The following RBBP4 variants were observed in gnomAD, a reference collection of about 807,000 sequenced individuals.
RBBP4 encodes the protein histone-binding protein RBBP4.
A neutral mutation model predicts 57.2 loss-of-function variants in RBBP4; 3 were observed. The observed-to-expected ratio is 0.05, with a 90% confidence interval of 0.02 to 0.14. The LOEUF (loss-of-function observed/expected upper bound fraction) is 0.14, where lower values mean the gene tolerates loss of function less well. Among genes scored for constraint, RBBP4 ranks in the 10% least tolerant of loss-of-function variants. The probability of loss-of-function intolerance (pLI) is 1.00; values close to 1 mark genes in which losing one functional copy is unlikely to be tolerated. For missense variants in RBBP4, 107 were observed against 520.6 expected, an observed-to-expected ratio of 0.21 and a Z score of 7.73; for synonymous variants, 151 against 171.5, an observed-to-expected ratio of 0.88 and a Z score of 0.93.
intron 8 of RBBP4, among the ~76,000 whole-genome samples, chr1:32,671,289 A>C (rs1648864396): frequency 6.6e-6 from 1 of 152,198 alleles, no homozygotes; most frequent in Non-Finnish European, 1.5e-5. Context: ...GCAAATAAGA[A>C]TAGACAAGAT....
intron 3 of RBBP4, among the ~76,000 whole-genome samples, chr1:32,659,897 T>C (rs1414843616): frequency 6.6e-6 from 1 of 152,212 alleles, no homozygotes; most frequent in Non-Finnish European, 1.5e-5. Context: ...GCTATAGAAA[T>C]ACTTTCTAAG....
chr1:32,659,034 A>G (rs1260728132), intron 3 of RBBP4, among the ~76,000 whole-genome samples: 1 of 147,380 alleles, frequency 6.8e-6, no homozygotes, highest in Non-Finnish European at 1.5e-5. Flanking sequence ...GATAATATAA[A>G]TGTATTATAT....
rs112155475 is a variant in RBBP4 at position 32,684,196 on chromosome 1, A to G, written c.*4491A>G. On this transcript the variant is annotated 3_prime_UTR_variant, in exon 12 of 12. Transcript: ENST00000373493. Reference sequence around the variant, plus strand: ...TTGATTCTAAGGTAAAATTTTCCCTAAGCCCTCCCACCATCCCCTCAGCCA... The same window carrying G: ...TTGATTCTAAGGTAAAATTTTCCCTGAGCCCTCCCACCATCCCCTCAGCCA... 1.1e-5 allele frequency: 17 copies of G among 1,607,458 alleles called. No homozygotes were observed. The highest frequency in any genetic ancestry group is 9.4e-5 in the African/African-American group (7 of 74,750).
At chr1:32,676,860 G>A (rs1373296670) in intron 11 of RBBP4, among the ~76,000 whole-genome samples, 8 of 151,802 alleles carry the variant, frequency 5.3e-5, no homozygotes, top group South Asian at 2.1e-4. Context: ...GGAGGCTAGC[G>A]TGATCCCAGG....
intron 3 of RBBP4, among the ~76,000 whole-genome samples, chr1:32,664,307 G>A (rs569185890): frequency 6.6e-6 from 1 of 152,168 alleles, no homozygotes; most frequent in South Asian, 2.1e-4. Context: ...TTATGGTTTA[G>A]GAGGCCTACG....
chr1:32,661,300 TCC>T lies in RBBP4; in HGVS notation c.310+3729_310+3730del, dbSNP rs1491205549. 3.1e-4 allele frequency among the ~76,000 whole-genome samples: 17 copies of T among 55,064 alleles called. 2 individuals carry two copies. The highest frequency in any genetic ancestry group is 6.9e-4 in the Non-Finnish European group (13 of 18,732). The allele number at this position is 55,064 out of a possible 152,430, so 36.1% of individuals were successfully genotyped here. A position where few individuals can be genotyped will look rare whatever the true frequency, so the allele number is the denominator to read the frequency against. On this transcript the variant is annotated intron_variant, in intron 3 of 11. Transcript: ENST00000373493. ...GTTGAATGGTAGTTCTATTTTTAGTTCCTTTTTTTTTTTTTTTGAGATGGAGT... is the reference window on the plus strand; with the variant it reads ...GTTGAATGGTAGTTCTATTTTTAGTTTTTTTTTTTTTTTTTGAGATGGAGT...
chr1:32,677,077 C>T (rs1298860496), intron 11 of RBBP4, among the ~76,000 whole-genome samples: 1 of 152,194 alleles, frequency 6.6e-6, no homozygotes, highest in Non-Finnish European at 1.5e-5. Flanking sequence ...TGTCCCAGTT[C>T]TTGGCACAGA....
At chr1:32,677,426 C>T (rs997687787) in intron 11 of RBBP4, among the ~76,000 whole-genome samples, 3 of 150,942 alleles carry the variant, frequency 2.0e-5, no homozygotes, top group African/African-American at 4.9e-5. Flanking sequence ...CCCACCTTGC[C>T]GTATGCATCT....
rs1470971166 is a variant in RBBP4 at position 32,680,358 on chromosome 1, T to G, written c.*653T>G. ...ATGGTGTTTTTTTTTTTGTTGTTGG[T>G]TTTTTTTTTTTTTTTTTTAACTTGG... On this transcript the variant is annotated 3_prime_UTR_variant, in exon 12 of 12. Transcript: ENST00000373493. 8 of 120,820 alleles carry G rather than the reference T, an allele frequency of 6.6e-5. No individual in the cohort carries two copies. The highest frequency in any genetic ancestry group is 2.7e-4 in the South Asian group (1 of 3,758). The allele number at this position is 120,820 out of a possible 1,614,324, so 7.5% of individuals were successfully genotyped here. A position where few individuals can be genotyped will look rare whatever the true frequency, so the allele number is the denominator to read the frequency against.
chr1:32,651,826 A>G, intron 1 of RBBP4, 88 bp from the exon 2 acceptor site: 1 of 1,382,484 alleles, frequency 7.2e-7, no homozygotes, highest in South Asian at 1.3e-5. Flanking sequence ...TTTCATGGTT[A>G]GGCTGTAGGA....
intron 2 of RBBP4, among the ~76,000 whole-genome samples, chr1:32,654,675 G>A (rs1648054261): frequency 6.6e-6 from 1 of 152,146 alleles, no homozygotes; most frequent in Non-Finnish European, 1.5e-5. Context: ...AATAATGTGA[G>A]AATTGTTTTT....
chr1:32,657,388 G>A (rs765942891), intron 2 of RBBP4, 39 bp from the exon 3 acceptor site: 3 of 1,586,592 alleles, frequency 1.9e-6, no homozygotes, highest in Non-Finnish European at 2.6e-6. Context: ...GTCTCCTGAT[G>A]TTACTAATTT....
intron 2 of RBBP4, among the ~76,000 whole-genome samples, chr1:32,656,552 A>G (rs1028458228): frequency 1.3e-5 from 2 of 151,922 alleles, no homozygotes; most frequent in African/African-American, 4.8e-5. Flanking sequence ...GGGTTTCATC[A>G]TGTTGGTCAG....
intron 11 of RBBP4, among the ~76,000 whole-genome samples, 180 bp downstream of exon 11, chr1:32,673,081 C>A (rs1362414847): frequency 6.6e-6 from 1 of 152,122 alleles, no homozygotes; most frequent in African/African-American, 2.4e-5. Context: ...TTTGGTCATA[C>A]CACTGGTATT....
chr1:32,675,327 C>T (rs868762179), intron 11 of RBBP4, among the ~76,000 whole-genome samples: 6 of 151,758 alleles, frequency 4.0e-5, no homozygotes, highest in South Asian at 2.1e-4. Context: ...TGAGCCACCG[C>T]GCCTGGCGTA....
chr1:32,654,425 A>G (rs1444166720), intron 2 of RBBP4, among the ~76,000 whole-genome samples: 1 of 152,194 alleles, frequency 6.6e-6, no homozygotes, highest in African/African-American at 2.4e-5. Flanking sequence ...GTGTACTGGA[A>G]TGGTGATTCC....
At position 32,657,414 on chromosome 1, in the gene RBBP4, A is replaced by T; in HGVS notation, c.165-13A>T. 6.2e-7 allele frequency: 1 copy of T among 1,609,936 alleles called. No homozygotes were observed. The highest frequency in any genetic ancestry group is 8.5e-7 in the Non-Finnish European group (1 of 1,178,110). On this transcript the variant is annotated splice_polypyrimidine_tract_variant and intron_variant, in intron 2 of 11. Transcript: ENST00000373493. ...TTACTAATTTGAACAGTGACTATAT[A>T]TTGCCGTTACAGACCAGAAGGGAAA...
chr1:32,660,966 T>C (rs1648378981), intron 3 of RBBP4, among the ~76,000 whole-genome samples: 1 of 152,074 alleles, frequency 6.6e-6, no homozygotes, highest in Non-Finnish European at 1.5e-5. Flanking sequence ...TGCGCCACCA[T>C]GCCCAGCTGA....
chr1:32,660,588 A>T (rs560460953), intron 3 of RBBP4, among the ~76,000 whole-genome samples: 6 of 144,466 alleles, frequency 4.2e-5, no homozygotes, highest in Admixed American at 2.1e-4. Flanking sequence ...AGATAACTTA[A>T]TTTTTTTTTT....
Sources: allele counts gnomAD v4.1 joint callset (sites outside exome capture counted in the v4.1 genomes callset), GRCh38; gene constraint gnomAD v4.1.1; transcripts MANE v1.5; gene names NCBI Gene and HGNC (gene_info 2026-07-23, HGNC 2026-07-21).